Variants in SMARCAD1 observed in about 807,000 individuals in gnomAD.
The protein encoded by SMARCAD1 is SNF2 related chromatin remodeling ATPase with DExD box 1, also known as SWI/SNF-related matrix-associated actin-dependent regulator of chromatin subfamily A containing DEAD/H box 1.
A neutral mutation model predicts 127.1 loss-of-function variants in SMARCAD1; 25 were observed. The ratio of observed to expected loss-of-function variants is 0.20; its 90% CI spans 0.14 to 0.27. The LOEUF (loss-of-function observed/expected upper bound fraction) is 0.27, where lower values mean the gene tolerates loss of function less well. Ranked by LOEUF, SMARCAD1 falls within the 10% of genes least tolerant of loss-of-function variation. The pLI is 1.00. For synonymous variants in SMARCAD1, 400 were observed against 396.9 expected, an observed-to-expected ratio of 1.01 and a Z score of -0.09; for missense variants, 807 against 1,206.0, an observed-to-expected ratio of 0.67 and a Z score of 4.90.
intron 2 of SMARCAD1, among the ~76,000 whole-genome samples, chr4:94,222,200 A>T (rs775867074): frequency 6.6e-6 from 1 of 152,172 alleles, no homozygotes; most frequent in Admixed American, 6.5e-5. Context: ...AGTGTTGTCA[A>T]CTCATATCAA....
chr4:94,268,342 G>A (rs1752046402), intron 10 of SMARCAD1, among the ~76,000 whole-genome samples: 1 of 152,042 alleles, frequency 6.6e-6, no homozygotes, highest in Non-Finnish European at 1.5e-5. Flanking sequence ...ATGTGTGTTG[G>A]TGATGAAGAA....
chr4:94,253,041 G>T (rs2125918247), intron 9 of SMARCAD1, 34 bp downstream of exon 9: 1 of 1,605,160 alleles, frequency 6.2e-7, no homozygotes, highest in South Asian at 1.1e-5. Context: ...CCTTGTATGT[G>T]TGTGTGTATT....
intron 9 of SMARCAD1, among the ~76,000 whole-genome samples, chr4:94,259,849 A>C (rs1234116496): frequency 2.0e-5 from 3 of 152,210 alleles, no homozygotes; most frequent in African/African-American, 7.2e-5. Flanking sequence ...TCTTATATCT[A>C]ATAAAAATCA....
At chr4:94,246,807 G>A (rs1350094464) in intron 6 of SMARCAD1, among the ~76,000 whole-genome samples, 3 of 152,170 alleles carry the variant, frequency 2.0e-5, no homozygotes, top group Admixed American at 6.5e-5. Flanking sequence ...AGCCAGGAAA[G>A]TTACTCTAAC....
chr4:94,232,788 T>C (rs1746043148), intron 3 of SMARCAD1, among the ~76,000 whole-genome samples: 1 of 151,528 alleles, frequency 6.6e-6, no homozygotes, highest in Non-Finnish European at 1.5e-5. Flanking sequence ...GTAGATAAAA[T>C]CTCCTGGGAA....
At chr4:94,241,129 G>T (rs1747515921) in intron 6 of SMARCAD1, 123 bp downstream of exon 6, 1 of 692,784 alleles carries the variant, frequency 1.4e-6, no homozygotes, top group Admixed American at 2.4e-5. Flanking sequence ...ACAACTAAGG[G>T]AATTTACGTC....
At chr4:94,256,834 A>G (rs1212912005) in intron 9 of SMARCAD1, among the ~76,000 whole-genome samples, 1 of 125,382 alleles carries the variant, frequency 8.0e-6, no homozygotes, top group Non-Finnish European at 1.8e-5. Flanking sequence ...ATAAGTTTGT[A>G]TTAAAAAAAT....
intron 13 of SMARCAD1, 37 bp downstream of exon 13, chr4:94,274,834 T>C (rs762599551): frequency 1.2e-6 from 2 of 1,610,874 alleles, no homozygotes; most frequent in East Asian, 2.2e-5. Context: ...CTTTGGAAAT[T>C]AAAAATAAAG....
intron 22 of SMARCAD1, among the ~76,000 whole-genome samples, 159 bp downstream of exon 22, chr4:94,283,462 A>G (rs1322977219): frequency 2.0e-5 from 3 of 152,202 alleles, no homozygotes; most frequent in African/African-American, 7.2e-5. Context: ...CATCAACTGC[A>G]CTACGTAACC....
Position 94,240,882 on chromosome 4 carries a change from G to A in SMARCAD1, c.605-24G>A. 2.5e-6 allele frequency: 4 copies of A among 1,574,042 alleles called. No homozygotes were observed. In the East Asian group the frequency reaches 6.7e-5, roughly 27 times the overall value. On this transcript the variant is annotated intron_variant, in intron 5 of 23. Coordinates refer to ENST00000354268, the MANE Select transcript of SMARCAD1 (RefSeq NM_020159.5). ...TTTTTGCTATTTCTGTGCAAAGTTTGAGTGTGCTGCTCTGCTTTAAAAGGT... is the reference window on the plus strand; with the variant it reads ...TTTTTGCTATTTCTGTGCAAAGTTTAAGTGTGCTGCTCTGCTTTAAAAGGT...
At chr4:94,246,962 C>T (rs777199415) in intron 6 of SMARCAD1, among the ~76,000 whole-genome samples, 1 of 152,230 alleles carries the variant, frequency 6.6e-6, no homozygotes, top group Non-Finnish European at 1.5e-5. Context: ...ATACCACATC[C>T]TGTAAAGCAG....
chr4:94,213,082 C>T, intron 2 of SMARCAD1: 1 of 1,288,112 alleles, frequency 7.8e-7, no homozygotes, highest in South Asian at 1.2e-5. Flanking sequence ...GAAGAGAGAT[C>T]CTACTATATT....
At chr4:94,271,682 A>G (rs1199619505) in intron 11 of SMARCAD1, among the ~76,000 whole-genome samples, 1 of 152,228 alleles carries the variant, frequency 6.6e-6, no homozygotes, top group Non-Finnish European at 1.5e-5. Context: ...CAGGATTTCA[A>G]AATACTTACA....
chr4:94,252,934 T>C lies in SMARCAD1; in HGVS notation c.1208T>C (p.Leu403Ser), dbSNP rs746616116. 1 of 1,614,082 alleles carries C rather than the reference T, an allele frequency of 6.2e-7. No individual in the cohort carries two copies. The highest frequency in any genetic ancestry group is 8.5e-7 in the Non-Finnish European group (1 of 1,179,992). The change falls in exon 9 of 24, where the codon TTG (leucine) becomes TCG (serine). Residue 403 changes from leucine to serine, a missense_variant. Leu to Ser is a moderately radical substitution (Grantham distance 145). Transcript: ENST00000354268. Reference sequence around the variant, plus strand: ...GATGCTTCAATTGGTGAACTTACTTTGATTCCTCAGTGTTCTCAGAAAAAG... The same window carrying C: ...GATGCTTCAATTGGTGAACTTACTTCGATTCCTCAGTGTTCTCAGAAAAAG... ...LQDASIGELT[L>S]IPQCSQKKAQ...
intron 10 of SMARCAD1, among the ~76,000 whole-genome samples, chr4:94,269,149 C>A (rs1251394273): frequency 1.3e-5 from 2 of 152,162 alleles, no homozygotes; most frequent in Non-Finnish European, 2.9e-5. Flanking sequence ...AAGTTGCATA[C>A]CCCACAGTTA....
intron 9 of SMARCAD1, among the ~76,000 whole-genome samples, chr4:94,254,041 G>A (rs777945258): frequency 6.6e-5 from 10 of 152,146 alleles, no homozygotes; most frequent in Non-Finnish European, 1.3e-4. Flanking sequence ...TAAGTGTCTT[G>A]AAGTGGCAAT....
intron 5 of SMARCAD1, 93 bp downstream of exon 5, chr4:94,237,111 A>G: frequency 9.7e-7 from 1 of 1,030,582 alleles, no homozygotes; most frequent in Non-Finnish European, 1.5e-6. Context: ...TTTATCAAAC[A>G]CCTTTATGAA....
chr4:94,266,512 G>C (rs1162715666), intron 10 of SMARCAD1, among the ~76,000 whole-genome samples: 3 of 151,978 alleles, frequency 2.0e-5, no homozygotes, highest in Non-Finnish European at 4.4e-5. Flanking sequence ...TCTCTTTAAA[G>C]TTTATTTAAG....
chr4:94,275,801 T>TTTTATTTTATTTTATTTTA lies in SMARCAD1; in HGVS notation c.1809-535_1809-534insATTTTATTTTATTTTATTT, dbSNP rs1279696770. ...GATTGTAACATTAACATTTTCTTTT[T>TTTTATTTTATTTTATTTTA]TTTTTTTTTTTTTGAGACGGAGTCT... On this transcript the variant is annotated intron_variant, in intron 14 of 23. Coordinates refer to ENST00000354268, the MANE Select transcript of SMARCAD1 (RefSeq NM_020159.5). Among the ~76,000 whole-genome samples, 8 of 56,744 alleles carry TTTTATTTTATTTTATTTTA rather than the reference T, an allele frequency of 1.4e-4. No individual in the cohort carries two copies. In the South Asian group the frequency reaches 3.6e-3, roughly 26 times the overall value. The allele number at this position is 56,744 out of a possible 152,430, so 37.2% of individuals were successfully genotyped here.
Sources: allele counts gnomAD v4.1 joint callset (sites outside exome capture counted in the v4.1 genomes callset), GRCh38; gene constraint gnomAD v4.1.1; transcripts MANE v1.5; gene names NCBI Gene and HGNC (gene_info 2026-07-23, HGNC 2026-07-21).